RNF146: variants seen among roughly 807,000 people sequenced by gnomAD.
RNF146 encodes E3 ubiquitin-protein ligase RNF146.
In RNF146, 11 loss-of-function variants were observed where a neutral mutation model predicts 29.7. The ratio of observed to expected loss-of-function variants is 0.37; its 90% CI spans 0.23 to 0.61. RNF146 has a LOEUF of 0.61. RNF146 is among the 20% of genes least tolerant of loss of function. The pLI is 0.66. For synonymous variants in RNF146, 150 were observed against 159.7 expected, an observed-to-expected ratio of 0.94 and a Z score of 0.46; for missense variants, 342 against 438.9, an observed-to-expected ratio of 0.78 and a Z score of 1.97.
intron 1 of RNF146, among the ~76,000 whole-genome samples, chr6:127,268,869 T>C (rs1777049571): frequency 6.6e-6 from 1 of 152,016 alleles, no homozygotes; most frequent in Non-Finnish European, 1.5e-5. Context: ...TTTTAAAGGA[T>C]CCAAAACGAT....
rs908323606 is a variant in RNF146 at position 127,287,801 on chromosome 6, G to A, written c.*108G>A. Reference sequence around the variant, plus strand: ...GTAGTGCATTTTGGGAGTTGGGGTGGGAAGGGGTATGGGAAGGATAGACTC... The same window carrying A: ...GTAGTGCATTTTGGGAGTTGGGGTGAGAAGGGGTATGGGAAGGATAGACTC... On this transcript the variant is annotated 3_prime_UTR_variant, in exon 3 of 3. Coordinates refer to ENST00000368314, the MANE Select transcript of RNF146 (RefSeq NM_001242850.2). 6 of 709,600 alleles carry A rather than the reference G, an allele frequency of 8.5e-6. No homozygotes were observed. The highest frequency in any genetic ancestry group is 1.5e-5 in the Non-Finnish European group (6 of 405,392). The allele number at this position is 709,600 out of a possible 1,614,324, so 44.0% of individuals were successfully genotyped here. A position where few individuals can be genotyped will look rare whatever the true frequency, so the allele number is the denominator to read the frequency against.
At chr6:127,285,256 G>A (rs1293711878) in intron 2 of RNF146, 1 of 984,786 alleles carries the variant, frequency 1.0e-6, no homozygotes, top group Non-Finnish European at 1.2e-6. Context: ...CAAGAACACA[G>A]AAAAGGCAGT....
chr6:127,280,502 T>C (rs1778786207), intron 2 of RNF146, 162 bp downstream of exon 2: 1 of 1,271,824 alleles, frequency 7.9e-7, no homozygotes. Flanking sequence ...TACATTAAGT[T>C]ATCGTTAATG....
intron 2 of RNF146, among the ~76,000 whole-genome samples, chr6:127,284,685 A>G (rs548572053): frequency 2.6e-5 from 4 of 151,914 alleles, no homozygotes; most frequent in Non-Finnish European, 5.9e-5. Context: ...TGTTGTTTCA[A>G]GTTACAAGAT....
At chr6:127,279,032 T>G (rs1347800948) in intron 1 of RNF146, among the ~76,000 whole-genome samples, 4 of 151,972 alleles carry the variant, frequency 2.6e-5, no homozygotes, top group Non-Finnish European at 5.9e-5. Flanking sequence ...TATTAAACCT[T>G]TATCAGATAC....
In RNF146 at chr6:127,283,626, C is replaced by T. The variant is rs1446010446; in HGVS notation, c.3-2990C>T. Among the ~76,000 whole-genome samples, 3 of 151,752 alleles carry T rather than the reference C, an allele frequency of 2.0e-5. No individual in the cohort carries two copies. In the South Asian group the frequency reaches 6.2e-4, roughly 31 times the overall value. ...GGGTTACTTTGTGTCTATCTTGTTA[C>T]ACATTTTATCTCTATCTTACTTATT... On this transcript the variant is annotated intron_variant, in intron 2 of 2. Coordinates refer to ENST00000368314, the MANE Select transcript of RNF146 (RefSeq NM_001242850.2).
intron 1 of RNF146, among the ~76,000 whole-genome samples, chr6:127,269,788 A>T (rs376013728): frequency 1.3e-5 from 2 of 152,100 alleles, no homozygotes; most frequent in Non-Finnish European, 2.9e-5. Context: ...TACTCCTTTT[A>T]TGTATATATA....
intron 2 of RNF146, chr6:127,282,342 G>T (rs1779016695): frequency 6.6e-6 from 1 of 151,548 alleles, no homozygotes; most frequent in Non-Finnish European, 1.5e-5. Flanking sequence ...CTCTCTACAG[G>T]TTTAATTTGG....
rs1238520741 is a variant in RNF146, at chr6:127,288,270, T to TGTCTA, written c.*582_*586dup. 6.0e-6 allele frequency: 1 copy of TGTCTA among 166,946 alleles called. No homozygotes were observed. Among genetic ancestry groups the TGTCTA allele is most frequent in the Non-Finnish European group, 1.5e-5 (1 of 68,094 alleles). The allele number at this position is 166,946 out of a possible 1,614,324, so 10.3% of individuals were successfully genotyped here. A position where few individuals can be genotyped will look rare whatever the true frequency, so the allele number is the denominator to read the frequency against. ...TTCATGGTGTTCCCATAGGCTTTGC[T>TGTCTA]GTCTAGTCTTATAGTTTGAGGTTTT... On this transcript the variant is annotated 3_prime_UTR_variant, in exon 3 of 3. Coordinates refer to ENST00000368314, the MANE Select transcript of RNF146 (RefSeq NM_001242850.2).
Position 127,287,509 on chromosome 6 carries a change from T to C in RNF146, c.896T>C (p.Val299Ala). The C allele has an allele frequency of 6.2e-7, 1 of 1,613,286 alleles. No individual in the cohort carries two copies. Among genetic ancestry groups the C allele is most frequent in the Non-Finnish European group, 8.5e-7 (1 of 1,179,584 alleles). The change falls in exon 3 of 3, where the codon GTA (valine) becomes GCA (alanine). Residue 299 changes from valine (V) to alanine (A), a missense_variant. By Grantham distance (64) the Val-to-Ala change is moderately conservative. Transcript: ENST00000368314. ...ESDASSDSED[V>A]SAVVAQHSLT... is the part of the protein sequence containing the mutation. The stretch of plus-strand genomic sequence containing the variant: ...GATGCCAGTAGTGATAGTGAGGATG[T>C]ATCTGCAGTTGTTGCACAGCACTCC...
chr6:127,276,705 G>C (rs1778257919), intron 1 of RNF146, among the ~76,000 whole-genome samples: 1 of 152,040 alleles, frequency 6.6e-6, no homozygotes, highest in African/African-American at 2.4e-5. Context: ...CTTGTGATCT[G>C]AGAGTCGGAT....
Position 127,286,879 on chromosome 6 carries a change from T to G in RNF146, c.266T>G (p.Leu89Trp). ...PEDFLDKPTL[L>W]SPEELKAASR... ...GATTTCCTTGACAAGCCAACCTTGT[T>G]GTCACCAGAAGAACTCAAGGCAGCA... Residue 89 changes from leucine (L) to tryptophan (W), a missense_variant, in exon 3 of 3, where the codon TTG (leucine) becomes TGG (tryptophan). Physicochemically the swap from Leu to Trp is moderately conservative, Grantham distance 61. Around this residue, in one of 6 missense-constraint regions of RNF146, gnomAD observed 50 missense variants for 54.9 expected, o/e 0.91. Coordinates refer to ENST00000368314, the MANE Select transcript of RNF146 (RefSeq NM_001242850.2). This position sits in a 1 kb window ranked among gnomAD's most constrained non-coding sequence, Gnocchi z 4.6. 1 of 1,613,250 alleles carries G rather than the reference T, an allele frequency of 6.2e-7. No individual in the cohort carries two copies. The highest frequency in any genetic ancestry group is 8.5e-7 in the Non-Finnish European group (1 of 1,179,590).
Position 127,280,244 on chromosome 6 carries a change from C to T in RNF146, c.-95C>T, listed in dbSNP as rs1778754920. ...TTTCTTTTGCAGCACAAAGAATGAA[C>T]CAGCAGTGGAAGAGAAAATACTGTA... On this transcript the variant is annotated 5_prime_UTR_variant, in exon 2 of 3. Coordinates refer to ENST00000368314, the MANE Select transcript of RNF146 (RefSeq NM_001242850.2). 2 of 1,188,264 alleles carry T rather than the reference C, an allele frequency of 1.7e-6. No homozygotes were observed. Among genetic ancestry groups the T allele is most frequent in the Admixed American group, 2.0e-5 (1 of 49,240 alleles). The allele number at this position is 1,188,264 out of a possible 1,614,324, so 73.6% of individuals were successfully genotyped here.
chr6:127,277,207 G>A (rs1421338745), intron 1 of RNF146, among the ~76,000 whole-genome samples: 1 of 152,008 alleles, frequency 6.6e-6, no homozygotes, highest in Non-Finnish European at 1.5e-5. Flanking sequence ...GAAAGAAAAA[G>A]TAATGATGTT....
chr6:127,271,681 G>A (rs1201285669), intron 1 of RNF146, among the ~76,000 whole-genome samples: 1 of 152,154 alleles, frequency 6.6e-6, no homozygotes, highest in Non-Finnish European at 1.5e-5. Flanking sequence ...GGATTTCAAA[G>A]AAGTATGCAT....
At chr6:127,271,790 G>A (rs903872316) in intron 1 of RNF146, among the ~76,000 whole-genome samples, 7 of 152,072 alleles carry the variant, frequency 4.6e-5, no homozygotes, top group Admixed American at 3.3e-4. Context: ...ATATATTATT[G>A]AAATTAATTT....
intron 1 of RNF146, among the ~76,000 whole-genome samples, chr6:127,278,529 T>G (rs936738459): frequency 6.6e-6 from 1 of 152,092 alleles, no homozygotes; most frequent in African/African-American, 2.4e-5. Context: ...TTTTTATTAC[T>G]GAATAATGTA....
chr6:127,276,504 G>A (rs759139685), intron 1 of RNF146, among the ~76,000 whole-genome samples: 3 of 151,972 alleles, frequency 2.0e-5, no homozygotes, highest in Non-Finnish European at 4.4e-5. Flanking sequence ...TTTGTAAAAT[G>A]TGTGTATATG....
At chr6:127,267,634 A>G (rs866810136) in intron 1 of RNF146, among the ~76,000 whole-genome samples, 10 of 152,058 alleles carry the variant, frequency 6.6e-5, no homozygotes, top group Middle Eastern at 3.2e-3. Flanking sequence ...GTCTTGCCTA[A>G]AACGAAGAGA....
Sources: allele counts gnomAD v4.1 joint callset (sites outside exome capture counted in the v4.1 genomes callset), GRCh38; gene constraint gnomAD v4.1.1; regional missense constraint gnomAD v4.1.1; non-coding constraint Gnocchi (gnomAD v3.1); transcripts MANE v1.5; gene names NCBI Gene and HGNC (gene_info 2026-07-23, HGNC 2026-07-21).